EBF2: variants seen among roughly 807,000 people sequenced by gnomAD.
The protein encoded by EBF2 is transcription factor COE2.
Under a neutral mutation model 72.8 loss-of-function variants are expected in EBF2, and 21 were observed. The ratio of observed to expected loss-of-function variants is 0.29; its 90% CI spans 0.20 to 0.42. EBF2 has a LOEUF of 0.42. Ranked by LOEUF, EBF2 falls within the 10% of genes least tolerant of loss-of-function variation. The pLI, the probability that EBF2 is intolerant of heterozygous loss-of-function variation, is 1.00. For missense variants in EBF2, 637 were observed against 731.2 expected (o/e 0.87, Z 1.49); for synonymous variants, 299 against 274.2 (o/e 1.09, Z -0.89).
At chr8:25,929,810 T>A (rs1358004582) in intron 6 of EBF2, among the ~76,000 whole-genome samples, 1 of 151,894 alleles carries the variant, frequency 6.6e-6, no homozygotes, top group Non-Finnish European at 1.5e-5. Context: ...CTGGCACAGA[T>A]CCGGGTATCA....
chr8:25,869,915 A>C (rs1802403143), intron 10 of EBF2, among the ~76,000 whole-genome samples: 1 of 152,174 alleles, frequency 6.6e-6, no homozygotes, highest in Non-Finnish European at 1.5e-5. Flanking sequence ...CAAGTGGTAA[A>C]GGTGGGATCT....
intron 6 of EBF2, among the ~76,000 whole-genome samples, chr8:25,973,789 C>A (rs555694691): frequency 5.3e-5 from 8 of 152,254 alleles, no homozygotes; most frequent in African/African-American, 1.9e-4. Flanking sequence ...GATCTTCCCA[C>A]CTCAGCCTCC....
chr8:26,012,187 T>C (rs962084119), intron 6 of EBF2, among the ~76,000 whole-genome samples: 1 of 152,144 alleles, frequency 6.6e-6, no homozygotes, highest in African/African-American at 2.4e-5. Context: ...GTCCTTAAAG[T>C]CCAAAGGTGG....
chr8:25,973,709 C>G (rs1249534347), intron 6 of EBF2, among the ~76,000 whole-genome samples: 1 of 152,116 alleles, frequency 6.6e-6, no homozygotes, highest in Non-Finnish European at 1.5e-5. Flanking sequence ...CAGGGTCACA[C>G]TCTGTTGCCC....
chr8:26,016,861 G>C (rs980217903), intron 6 of EBF2, among the ~76,000 whole-genome samples: 10 of 152,198 alleles, frequency 6.6e-5, no homozygotes, highest in African/African-American at 2.4e-4. Context: ...GGTCAAATGA[G>C]TTTTAGACAA....
intron 6 of EBF2, among the ~76,000 whole-genome samples, chr8:25,943,446 G>T (rs1803713978): frequency 6.6e-6 from 1 of 152,056 alleles, no homozygotes; most frequent in Non-Finnish European, 1.5e-5. Context: ...GGAGTTTGAG[G>T]CTACAGTAAG....
At chr8:25,896,659 A>T (rs989236533) in intron 7 of EBF2, among the ~76,000 whole-genome samples, 1 of 152,196 alleles carries the variant, frequency 6.6e-6, no homozygotes, top group African/African-American at 2.4e-5. Context: ...GGACAGAGAA[A>T]CCATTAAAGG....
rs187737853 is a variant in EBF2 at position 25,858,123 on chromosome 8, G to A, written c.1528+196C>T. On this transcript the variant is annotated intron_variant, in intron 14 of 15. Transcript: ENST00000520164. Reference sequence around the variant, plus strand: ...TTTCAATCCTTTTCTTTCCCCAAAAGGCCTTGAGTAACCACGTGAGCCAAA... The same window carrying A: ...TTTCAATCCTTTTCTTTCCCCAAAAAGCCTTGAGTAACCACGTGAGCCAAA... The A allele has an allele frequency of 2.5e-4, 178 of 724,248 alleles. 2 individuals carry two copies. The African/African-American group carries it at 2.8e-3, about 11-fold the overall frequency. The allele number at this position is 724,248 out of a possible 1,614,324, so 44.9% of individuals were successfully genotyped here. A position where few individuals can be genotyped will look rare whatever the true frequency, so the allele number is the denominator to read the frequency against.
intron 6 of EBF2, among the ~76,000 whole-genome samples, chr8:25,959,717 C>T (rs1804007195): frequency 6.6e-6 from 1 of 152,156 alleles, no homozygotes; most frequent in Admixed American, 6.5e-5. Flanking sequence ...TGTCTACCCC[C>T]AAGTTCTGTT....
At chr8:25,934,224 TACAC>T (rs71216403) in intron 6 of EBF2, among the ~76,000 whole-genome samples, 40,802 of 136,278 alleles carry the variant, frequency 0.3, 5,886 homozygotes, top group Middle Eastern at 0.4. Flanking sequence ...TTCATGTGCA[TACAC>T]ACACACACAC....
chr8:25,996,610 A>G (rs1585220565), intron 6 of EBF2, among the ~76,000 whole-genome samples: 1 of 152,120 alleles, frequency 6.6e-6, no homozygotes, highest in African/African-American at 2.4e-5. Flanking sequence ...GAAAAGAAAA[A>G]CTAAAAAATA....
chr8:25,914,633 G>C (rs12542488), intron 6 of EBF2, among the ~76,000 whole-genome samples: 80,258 of 152,100 alleles, frequency 0.53, 23,753 homozygotes, highest in East Asian at 0.74. Flanking sequence ...AGATCTGCTT[G>C]GCAAGATGGT....
At chr8:26,041,971 G>T in intron 2 of EBF2, 124 bp downstream of exon 2, 3 of 1,400,580 alleles carry the variant, frequency 2.1e-6, no homozygotes, top group Non-Finnish European at 2.9e-6. Flanking sequence ...GGGGTGAGTA[G>T]CCTCGATTTA....
At chr8:25,937,587 C>G (rs759770202) in intron 6 of EBF2, among the ~76,000 whole-genome samples, 2 of 152,132 alleles carry the variant, frequency 1.3e-5, no homozygotes, top group African/African-American at 4.8e-5. Flanking sequence ...GTACTGTACA[C>G]GTTTTTCCTT....
At chr8:26,035,776 A>G (rs780570153) in intron 5 of EBF2, among the ~76,000 whole-genome samples, 4 of 152,196 alleles carry the variant, frequency 2.6e-5, no homozygotes, top group Non-Finnish European at 2.9e-5. Flanking sequence ...AAATTATATT[A>G]GGTCTTAACT....
intron 6 of EBF2, among the ~76,000 whole-genome samples, chr8:25,990,860 A>G (rs1267990718): frequency 6.6e-6 from 1 of 152,204 alleles, no homozygotes; most frequent in Non-Finnish European, 1.5e-5. Context: ...TGTCACTTAA[A>G]TTAGCACTTG....
At chr8:25,968,038 A>T (rs190897538) in intron 6 of EBF2, among the ~76,000 whole-genome samples, 1 of 152,228 alleles carries the variant, frequency 6.6e-6, no homozygotes, top group African/African-American at 2.4e-5. Flanking sequence ...TGAAAGAATC[A>T]GCAGAAAAAC....
chr8:25,848,458 C>T (rs1479341293), intron 15 of EBF2, among the ~76,000 whole-genome samples: 1 of 152,150 alleles, frequency 6.6e-6, no homozygotes, highest in African/African-American at 2.4e-5. Flanking sequence ...GCAAGGTTTC[C>T]TTCCAGCTCT....
chr8:25,901,406 A>G (rs1262917239), intron 7 of EBF2, among the ~76,000 whole-genome samples: 1 of 144,424 alleles, frequency 6.9e-6, no homozygotes, highest in Non-Finnish European at 1.5e-5. Context: ...TGAGCAAAAG[A>G]GTGACATCTT....
Sources: allele counts gnomAD v4.1 joint callset (sites outside exome capture counted in the v4.1 genomes callset), GRCh38; gene constraint gnomAD v4.1.1; transcripts MANE v1.5; gene names NCBI Gene and HGNC (gene_info 2026-07-23, HGNC 2026-07-21).